The following WDR37 variants were observed in gnomAD, a reference collection of about 807,000 sequenced individuals.
WDR37 encodes WD repeat-containing protein 37.
WDR37 carries 19 observed loss-of-function variants against 62.9 expected under a neutral mutation model. That is an observed-to-expected ratio of 0.30 (90% CI 0.21 to 0.44). The LOEUF is 0.44. WDR37 is among the 20% of genes least tolerant of loss of function. The pLI is 1.00. For missense variants in WDR37, 474 were observed against 657.6 expected (o/e 0.72, Z 3.05); for synonymous variants, 250 against 260.9 (o/e 0.96, Z 0.40).
intron 11 of WDR37, among the ~76,000 whole-genome samples, chr10:1,106,954 C>A (rs1428489455): frequency 2.0e-5 from 3 of 152,214 alleles, no homozygotes; most frequent in Non-Finnish European, 4.4e-5. Flanking sequence ...GGGCATCACA[C>A]GCATTAAACT....
chr10:1,083,729 C>T (rs184688633), intron 5 of WDR37, among the ~76,000 whole-genome samples: 6 of 152,330 alleles, frequency 3.9e-5, no homozygotes, highest in Non-Finnish European at 5.9e-5. Context: ...TTCTGTGGTC[C>T]GTGATGTGTT....
chr10:1,071,781 G>C (rs941429456), intron 1 of WDR37, among the ~76,000 whole-genome samples: 1 of 152,166 alleles, frequency 6.6e-6, no homozygotes, highest in African/African-American at 2.4e-5. Flanking sequence ...GTGTAGTCTA[G>C]AATATGCAAT....
intron 13 of WDR37, among the ~76,000 whole-genome samples, chr10:1,127,737 G>A (rs1253284033): frequency 1.3e-5 from 2 of 152,222 alleles, no homozygotes; most frequent in Non-Finnish European, 2.9e-5. Flanking sequence ...CGGAGTGTGA[G>A]GGTCCCTGTG....
intron 1 of WDR37, among the ~76,000 whole-genome samples, chr10:1,057,808 G>A (rs1833239831): frequency 6.6e-6 from 1 of 152,216 alleles, no homozygotes; most frequent in Non-Finnish European, 1.5e-5. Flanking sequence ...ATAGAAAAGT[G>A]TTAATTGCTT....
chr10:1,079,872 G>C, intron 3 of WDR37, 139 bp from the exon 4 acceptor site: 2 of 655,492 alleles, frequency 3.1e-6, no homozygotes, highest in South Asian at 4.0e-5. Flanking sequence ...TTGTGATCTT[G>C]CTTATTAGAA....
rs761342140 is a variant in WDR37 at position 1,124,951 on chromosome 10, A to G, written c.1280A>G (p.His427Arg). 3 of 1,614,030 alleles carry G rather than the reference A, an allele frequency of 1.9e-6. No homozygotes were observed. The highest frequency in any genetic ancestry group is 8.5e-7 in the Non-Finnish European group (1 of 1,180,034). The change falls in exon 13 of 14, where the codon CAT (histidine) becomes CGT (arginine). Residue 427 changes from histidine (H) to arginine (R), a missense_variant. His to Arg is a conservative substitution (Grantham distance 29). Transcript: ENST00000263150. ...GGCCAAAAAATCATAGCCCTCCCCC[A>G]TGACAACCGACAAGTGAGACTGTTT... Reference protein sequence around the residue: ...CVGQKIIALPHDNRQVRLFDM... With the variant: ...CVGQKIIALPRDNRQVRLFDM...
intron 1 of WDR37, among the ~76,000 whole-genome samples, chr10:1,064,539 T>G (rs898395671): frequency 1.4e-5 from 2 of 145,036 alleles, no homozygotes; most frequent in Non-Finnish European, 3.0e-5. Flanking sequence ...GTAAGAGAGA[T>G]ACCACTTGAC....
At chr10:1,119,143 C>G (rs1443666426) in intron 11 of WDR37, among the ~76,000 whole-genome samples, 1 of 152,222 alleles carries the variant, frequency 6.6e-6, no homozygotes, top group Non-Finnish European at 1.5e-5. Flanking sequence ...TACGTCTGTA[C>G]AGGCTCCTGC....
At chr10:1,067,838 GATAA>G (rs1309227012) in intron 1 of WDR37, among the ~76,000 whole-genome samples, 1 of 152,074 alleles carries the variant, frequency 6.6e-6, no homozygotes, top group Non-Finnish European at 1.5e-5. Flanking sequence ...CGGATGACTA[GATAA>G]ATAAAATGTG....
chr10:1,060,472 C>T (rs183935683), intron 1 of WDR37, among the ~76,000 whole-genome samples: 1 of 152,222 alleles, frequency 6.6e-6, no homozygotes, highest in Admixed American at 6.5e-5. Flanking sequence ...TATTGAAAAC[C>T]AGAAGGACAT....
chr10:1,104,385 G>A (rs1403321868), intron 10 of WDR37, among the ~76,000 whole-genome samples: 1 of 152,238 alleles, frequency 6.6e-6, no homozygotes, highest in Non-Finnish European at 1.5e-5. Context: ...CTGGCCCTGG[G>A]GCCCCTGCAC....
chr10:1,123,106 G>T (rs1385420956), intron 11 of WDR37, among the ~76,000 whole-genome samples: 1 of 152,002 alleles, frequency 6.6e-6, no homozygotes, highest in Admixed American at 6.6e-5. Context: ...GGCCTCTTCG[G>T]TTCCTCGAGC....
rs775919044 is a variant in WDR37 at position 1,124,233 on chromosome 10, C to T, written c.1119C>T (p.Ala373=). The change falls in exon 12 of 14, where the codon GCC becomes GCT. Residue 373 remains alanine (A), a synonymous_variant. Coordinates refer to ENST00000263150, the MANE Select transcript of WDR37 (RefSeq NM_014023.4). ...FQGHTDTVTS[A]VFTVGDNVVS... ...TTGTTCATAGCACTGTGACTTCTGC[C>T]GTGTTCACCGTGGGAGACAACGTGG... The T allele has an allele frequency of 2.0e-5, 32 of 1,614,048 alleles. No homozygotes were observed. The highest frequency in any genetic ancestry group is 1.6e-4 in the Middle Eastern group (1 of 6,084).
intron 1 of WDR37, among the ~76,000 whole-genome samples, chr10:1,069,390 T>TATATATATATATATATAA (rs1491098746): frequency 2.1e-5 from 1 of 47,112 alleles, no homozygotes; most frequent in African/African-American, 9.5e-5. Context: ...TATATATATA[T>TATATATATATATATATAA]TTTTTTTTTT....
chr10:1,109,303 A>G (rs1835133138), intron 11 of WDR37, among the ~76,000 whole-genome samples: 1 of 152,184 alleles, frequency 6.6e-6, no homozygotes, highest in Non-Finnish European at 1.5e-5. Flanking sequence ...TTTTGTGTAA[A>G]AAGAAAAGTT....
chr10:1,103,753 G>A lies in WDR37; in HGVS notation c.878G>A (p.Gly293Glu). 1 of 1,614,252 alleles carries A rather than the reference G, an allele frequency of 6.2e-7. No homozygotes were observed. The highest frequency in any genetic ancestry group is 8.5e-7 in the Non-Finnish European group (1 of 1,180,042). The change falls in exon 10 of 14, where the codon GGG (glycine) becomes GAG (glutamate). Residue 293 changes from glycine to glutamate, a missense_variant. By Grantham distance (98) the Gly-to-Glu change is moderately conservative. Transcript: ENST00000263150. This position sits in a 1 kb window ranked among gnomAD's most constrained non-coding sequence, Gnocchi z 6.3. ...ATCGCCTCCGACTGGCTGGTTGGGG[G>A]GAAGCAGGCTGTGACTGCCTCCTGG... ...VVIASDWLVGGKQAVTASWDR... is the reference protein window; with the variant it reads ...VVIASDWLVGEKQAVTASWDR...
intron 9 of WDR37, among the ~76,000 whole-genome samples, chr10:1,100,981 G>A (rs187858314): frequency 2.5e-4 from 38 of 152,292 alleles, no homozygotes; most frequent in East Asian, 5.8e-4. Flanking sequence ...TGTGCCACCC[G>A]TCTCAGGAAA....
intron 7 of WDR37, among the ~76,000 whole-genome samples, chr10:1,089,777 C>T (rs116911484): frequency 3.3e-5 from 5 of 152,312 alleles, no homozygotes; most frequent in East Asian, 3.9e-4. Context: ...CTCCAGTATT[C>T]GGTGTCGTCT....
chr10:1,109,187 A>G (rs1184004730), intron 11 of WDR37, among the ~76,000 whole-genome samples: 1 of 152,222 alleles, frequency 6.6e-6, no homozygotes, highest in Non-Finnish European at 1.5e-5. Flanking sequence ...ATTCCAGAGC[A>G]GTCCCTCCTG....
Sources: gnomAD v4.1 joint callset for allele counts (sites outside exome capture counted in the v4.1 genomes callset) on GRCh38, gnomAD v4.1.1 for gene constraint, Gnocchi (gnomAD v3.1) non-coding constraint, MANE v1.5 for transcripts, NCBI Gene and HGNC (gene_info 2026-07-23, HGNC 2026-07-21) for gene names.